The following KSR2 variants were observed in gnomAD, a reference collection of about 807,000 sequenced individuals.
KSR2 encodes the protein kinase suppressor of ras 2.
KSR2 carries 25 observed loss-of-function variants against 107.8 expected under a neutral mutation model. The observed-to-expected ratio is 0.23, with a 90% CI of 0.17 to 0.32. The LOEUF (loss-of-function observed/expected upper bound fraction) is 0.32. KSR2 is among the 10% of genes least tolerant of loss of function. The probability of loss-of-function intolerance (pLI) is 1.00; values close to 1 mark genes in which losing one functional copy is unlikely to be tolerated. For missense variants in KSR2, 887 were observed against 1,268.9 expected (o/e 0.70, Z 4.57); for synonymous variants, 480 against 507.0 (o/e 0.95, Z 0.71).
Position 117,722,033 on chromosome 12 carries a change from C to T in KSR2, c.986+38978G>A, listed in dbSNP as rs1430118901. 5.9e-5 allele frequency among the ~76,000 whole-genome samples: 9 copies of T among 152,058 alleles called. No individual in the cohort carries two copies. The East Asian group carries it at 1.4e-3, about 23-fold the overall frequency. On this transcript the variant is annotated intron_variant, in intron 4 of 19. Transcript: ENST00000339824. ...AACTGAAGAATTAAATGTGTAATTC[C>T]ATTTAATTTTATTTTTTTTTAACAT...
At chr12:117,958,546 C>G (rs920990191) in intron 1 of KSR2, among the ~76,000 whole-genome samples, 1 of 152,056 alleles carries the variant, frequency 6.6e-6, no homozygotes, top group Non-Finnish European at 1.5e-5. Context: ...GGGGGCCGGG[C>G]ATGGTGGCTC....
chr12:117,791,097 T>C (rs561428850), intron 3 of KSR2, among the ~76,000 whole-genome samples: 22 of 152,184 alleles, frequency 1.4e-4, no homozygotes, highest in Middle Eastern at 3.4e-3. Flanking sequence ...ATAGCCCACA[T>C]CTCTCCCACC....
intron 14 of KSR2, among the ~76,000 whole-genome samples, chr12:117,517,020 AC>A (rs1219539026): frequency 6.6e-6 from 1 of 151,952 alleles, no homozygotes; most frequent in Non-Finnish European, 1.5e-5. Context: ...CTCACAGACC[AC>A]CCCCCTCCAT....
At chr12:117,851,966 T>C (rs188733024) in intron 3 of KSR2, among the ~76,000 whole-genome samples, 5 of 152,040 alleles carry the variant, frequency 3.3e-5, no homozygotes, top group Non-Finnish European at 1.5e-5. Context: ...ATTTACAACA[T>C]CTTCATCATG....
intron 3 of KSR2, among the ~76,000 whole-genome samples, chr12:117,845,707 G>A (rs1302846614): frequency 2.7e-5 from 4 of 150,646 alleles, no homozygotes; most frequent in Non-Finnish European, 4.4e-5. Context: ...CTGAGACAGG[G>A]TCTCGCTCTA....
At chr12:117,725,084 TCACACACACACACA>T (rs35413272) in intron 4 of KSR2, among the ~76,000 whole-genome samples, 2 of 121,486 alleles carry the variant, frequency 1.6e-5, no homozygotes, top group Admixed American at 1.6e-4. Context: ...TCTCTCTCTC[TCACACACACACACA>T]CACACACACA....
At chr12:117,643,191 A>G (rs941996696) in intron 5 of KSR2, among the ~76,000 whole-genome samples, 2 of 152,246 alleles carry the variant, frequency 1.3e-5, no homozygotes, top group South Asian at 4.1e-4. Flanking sequence ...CTGTGGTCCC[A>G]GCATTTTAGG....
At chr12:117,878,562 C>T (rs573804742) in intron 1 of KSR2, among the ~76,000 whole-genome samples, 1 of 152,168 alleles carries the variant, frequency 6.6e-6, no homozygotes, top group Non-Finnish European at 1.5e-5. Context: ...GAGACTTCCA[C>T]GCCTGTGGCC....
chr12:117,470,063 T>A (rs1360945924), intron 18 of KSR2, among the ~76,000 whole-genome samples: 2 of 151,682 alleles, frequency 1.3e-5, no homozygotes, highest in African/African-American at 4.8e-5. Flanking sequence ...AATTCACTCT[T>A]CCATCCTTCA....
rs142638143 is a variant in KSR2 at position 117,748,874 on chromosome 12, A to T, written c.986+12137T>A. Among the ~76,000 whole-genome samples, 209 of 152,076 alleles carry T rather than the reference A, an allele frequency of 1.4e-3. 1 individual carries two copies. Among genetic ancestry groups the T allele is most frequent in the African/African-American group, 4.9e-3 (203 of 41,486 alleles). ...CTAGCAGCAGGATGAGGAGATGGAG[A>T]GGTGAGGCAGGGGAGAAAACATAGC... On this transcript the variant is annotated intron_variant, in intron 4 of 19. Coordinates refer to ENST00000339824, the MANE Select transcript of KSR2 (RefSeq NM_173598.6).
intron 3 of KSR2, among the ~76,000 whole-genome samples, chr12:117,785,601 A>T (rs1367787170): frequency 6.6e-6 from 1 of 152,206 alleles, no homozygotes; most frequent in African/African-American, 2.4e-5. Flanking sequence ...CTATTAAAAA[A>T]TAACCAAATG....
intron 3 of KSR2, among the ~76,000 whole-genome samples, chr12:117,821,497 A>G (rs1166339449): frequency 6.6e-6 from 1 of 152,218 alleles, no homozygotes; most frequent in Admixed American, 6.5e-5. Flanking sequence ...GAATACGTAT[A>G]TTCATAACAT....
At chr12:117,854,357 G>A in intron 3 of KSR2, among the ~76,000 whole-genome samples, 1 of 152,256 alleles carries the variant, frequency 6.6e-6, no homozygotes, top group East Asian at 1.9e-4. Context: ...CTGCCAGCAA[G>A]AAAAAATACA....
At chr12:117,704,935 TA>T (rs1886463289) in intron 4 of KSR2, among the ~76,000 whole-genome samples, 1 of 152,052 alleles carries the variant, frequency 6.6e-6, no homozygotes, top group Non-Finnish European at 1.5e-5. Flanking sequence ...GACTCTAACC[TA>T]AAGAGTGCGA....
chr12:117,964,923 A>G (rs889236386), intron 1 of KSR2, among the ~76,000 whole-genome samples: 2 of 152,182 alleles, frequency 1.3e-5, no homozygotes, highest in Non-Finnish European at 2.9e-5. Context: ...CTGTCCACTT[A>G]CTTAATATCT....
chr12:117,767,797 A>G (rs1272921491), intron 3 of KSR2, among the ~76,000 whole-genome samples: 2 of 151,930 alleles, frequency 1.3e-5, no homozygotes, highest in African/African-American at 2.4e-5. Context: ...AAAAAAAAAA[A>G]AAAAAAAAAT....
chr12:117,772,229 C>A (rs1308359768), intron 3 of KSR2, among the ~76,000 whole-genome samples: 10 of 132,674 alleles, frequency 7.5e-5, no homozygotes, highest in South Asian at 2.6e-4. Flanking sequence ...ACACCATTCC[C>A]CCAGACGCAC....
At chr12:117,546,339 G>A (rs1327192876) in intron 9 of KSR2, among the ~76,000 whole-genome samples, 5 of 152,124 alleles carry the variant, frequency 3.3e-5, no homozygotes, top group Non-Finnish European at 7.4e-5. Flanking sequence ...GTTGTCATTT[G>A]AATGGTTTCT....
intron 4 of KSR2, among the ~76,000 whole-genome samples, chr12:117,752,809 C>A (rs1194342676): frequency 6.6e-6 from 1 of 152,194 alleles, no homozygotes; most frequent in Non-Finnish European, 1.5e-5. Flanking sequence ...TTTACCCTTT[C>A]AGATCTTCTG....
Sources: gnomAD v4.1 joint callset for allele counts (sites outside exome capture counted in the v4.1 genomes callset) on GRCh38, gnomAD v4.1.1 for gene constraint, MANE v1.5 for transcripts, NCBI Gene and HGNC (gene_info 2026-07-23, HGNC 2026-07-21) for gene names.